The following NSG1 variants were observed in gnomAD, a reference collection of about 807,000 sequenced individuals.
The protein encoded by NSG1 is neuronal vesicle trafficking-associated protein 1.
Under a neutral mutation model 19.3 loss-of-function variants are expected in NSG1, and 9 were observed. The ratio of observed to expected loss-of-function variants is 0.47; its 90% CI spans 0.28 to 0.81. The LOEUF (loss-of-function observed/expected upper bound fraction) is 0.81. Ranked by LOEUF, NSG1 falls within the 40% of genes least tolerant of loss-of-function variation. NSG1 has a pLI of 0.11. For missense variants in NSG1, 236 were observed against 242.4 expected (o/e 0.97, Z 0.18); for synonymous variants, 104 against 107.0 (o/e 0.97, Z 0.17).
chr4:4,402,421 T>A (rs1481249607), intron 3 of NSG1, among the ~76,000 whole-genome samples: 14 of 116,866 alleles, frequency 1.2e-4, no homozygotes, highest in Admixed American at 7.7e-4. Flanking sequence ...GGAGTCTTGC[T>A]CTGTCGCCCA....
rs10002237 is a variant in NSG1, at chr4:4,417,884, C to T, written c.*449C>T. 23,971 of 247,072 alleles carry T rather than the reference C, an allele frequency of 0.097. 1,339 individuals are homozygous for T. The highest frequency in any genetic ancestry group is 0.12 in the African/African-American group (5,264 of 43,066). 15.3% of individuals were successfully genotyped at this position (247,072 alleles called of 1,614,324 possible). Reference sequence around the variant, plus strand: ...TACTTCGCATTTCTTCCTCGGCCATCAGCGGGTAACAGTGCTGACTGCTGC... The same window carrying T: ...TACTTCGCATTTCTTCCTCGGCCATTAGCGGGTAACAGTGCTGACTGCTGC... On this transcript the variant is annotated 3_prime_UTR_variant, in exon 5 of 5. Transcript: ENST00000621129.
chr4:4,401,906 G>A (rs1188284139), intron 3 of NSG1, among the ~76,000 whole-genome samples: 3 of 151,896 alleles, frequency 2.0e-5, no homozygotes, highest in Non-Finnish European at 2.9e-5. Flanking sequence ...TTTGAGACAG[G>A]GCCTCGCTTT....
intron 4 of NSG1, among the ~76,000 whole-genome samples, chr4:4,410,253 C>T (rs1332781702): frequency 1.3e-5 from 2 of 152,186 alleles, no homozygotes; most frequent in African/African-American, 4.8e-5. Flanking sequence ...GAAATGCTCG[C>T]TTTGCATATA....
intron 3 of NSG1, among the ~76,000 whole-genome samples, chr4:4,393,097 C>A (rs13111502): frequency 0.34 from 52,355 of 151,944 alleles, 9,659 homozygotes; most frequent in East Asian, 0.45. Context: ...GCAGGAGTGG[C>A]CTTGATTTCA....
Position 4,418,179 on chromosome 4 carries a change from C to G in NSG1, c.*744C>G, listed in dbSNP as rs769345604. Reference sequence around the variant, plus strand: ...GGCTGGGAAGAGACGGCCCTGGGCCCGTGAGGTGCAGAACTCTCCCTGCAG... The same window carrying G: ...GGCTGGGAAGAGACGGCCCTGGGCCGGTGAGGTGCAGAACTCTCCCTGCAG... On this transcript the variant is annotated 3_prime_UTR_variant, in exon 5 of 5. Coordinates refer to ENST00000621129, the MANE Select transcript of NSG1 (RefSeq NM_014392.5). 1 of 152,606 alleles carries G rather than the reference C, an allele frequency of 6.6e-6. No homozygotes were observed. The highest frequency in any genetic ancestry group is 1.5e-5 in the Non-Finnish European group (1 of 68,410). The allele number at this position is 152,606 out of a possible 1,614,324, so 9.5% of individuals were successfully genotyped here. A position where few individuals can be genotyped will look rare whatever the true frequency, so the allele number is the denominator to read the frequency against.
chr4:4,409,489 G>T lies in NSG1; in HGVS notation c.247-84G>T, dbSNP rs73199809. 2,423 of 904,146 alleles carry T rather than the reference G, an allele frequency of 2.7e-3. 36 individuals carry two copies. The East Asian group carries it at 0.033, about 12-fold the overall frequency. 56.0% of individuals were successfully genotyped at this position (904,146 alleles called of 1,614,324 possible). A position where few individuals can be genotyped will look rare whatever the true frequency, so the allele number is the denominator to read the frequency against. On this transcript the variant is annotated intron_variant, in intron 3 of 4. Transcript: ENST00000621129. ...GAGATAGTCTCTGCACATGCTGTGTGGGGGGGGGCCTTCGTGTGCGGGTGT... is the reference window on the plus strand; with the variant it reads ...GAGATAGTCTCTGCACATGCTGTGTTGGGGGGGGCCTTCGTGTGCGGGTGT...
upstream of NSG1, chr4:4,386,665 C>CG (rs1377172582): frequency 2.6e-5 from 4 of 152,542 alleles, no homozygotes; most frequent in African/African-American, 7.3e-5. Flanking sequence ...GCGCTGCGGG[C>CG]GGGGACCCTC....
chr4:4,394,131 G>A (rs937441366), intron 3 of NSG1, among the ~76,000 whole-genome samples: 13 of 152,228 alleles, frequency 8.5e-5, no homozygotes, highest in African/African-American at 3.1e-4. Flanking sequence ...AGCCTTGGCA[G>A]CCTGCTCTTG....
At chr4:4,392,336 T>C (rs1723037947) in intron 3 of NSG1, among the ~76,000 whole-genome samples, 1 of 151,306 alleles carries the variant, frequency 6.6e-6, no homozygotes, top group South Asian at 2.1e-4. Context: ...AGAGAGAGAG[T>C]AAAGCGGTAG....
At chr4:4,394,545 C>A (rs773261313) in intron 3 of NSG1, among the ~76,000 whole-genome samples, 1 of 152,112 alleles carries the variant, frequency 6.6e-6, no homozygotes, top group Non-Finnish European at 1.5e-5. Context: ...TAGGCCCCCT[C>A]GACCTGAACT....
In NSG1 at chr4:4,416,914, T is replaced by G. The variant is rs140437965; in HGVS notation, c.358-321T>G. ...TGTTTTGGGATATTTCATAAGTTGTTGTTTTCCAATTGATTAAAAATGACA... is the reference window on the plus strand; with the variant it reads ...TGTTTTGGGATATTTCATAAGTTGTGGTTTTCCAATTGATTAAAAATGACA... On this transcript the variant is annotated intron_variant, in intron 4 of 4. Transcript: ENST00000621129. Among the ~76,000 whole-genome samples, 310 of 152,322 alleles carry G rather than the reference T, an allele frequency of 2.0e-3. 4 individuals carry two copies. Among genetic ancestry groups the G allele is most frequent in the Admixed American group, 9.9e-3 (152 of 15,298 alleles).
In NSG1 at chr4:4,391,481, G is replaced by A. The variant is rs149457560; in HGVS notation, c.136G>A (p.Val46Met). 1.7e-4 allele frequency: 275 copies of A among 1,606,204 alleles called. No homozygotes were observed. The highest frequency in any genetic ancestry group is 2.3e-4 in the Non-Finnish European group (265 of 1,176,150). Reference protein sequence around the residue: ...LQFPPPDKVVVKTKTEYEPDR... With the variant: ...LQFPPPDKVVMKTKTEYEPDR... ...TCTCTGTTTCCTGGATAAGGTGGTC[G>A]TGAAAACTAAGACCGAGTATGAACC... The change falls in exon 3 of 5, where the codon GTG becomes ATG. Residue 46 changes from valine to methionine, a missense_variant. Physicochemically the swap from Val to Met is conservative, Grantham distance 21. Coordinates refer to ENST00000621129, the MANE Select transcript of NSG1 (RefSeq NM_014392.5).
chr4:4,414,645 CT>C (rs1197747252), intron 4 of NSG1, among the ~76,000 whole-genome samples: 1 of 152,186 alleles, frequency 6.6e-6, no homozygotes, highest in Non-Finnish European at 1.5e-5. Flanking sequence ...TCCAGAAGCC[CT>C]TTGAGGTGGA....
chr4:4,392,110 G>A (rs1056521583), intron 3 of NSG1, among the ~76,000 whole-genome samples: 2 of 152,064 alleles, frequency 1.3e-5, no homozygotes, highest in African/African-American at 4.8e-5. Flanking sequence ...GCAGAGCCAG[G>A]ATCTGATCTG....
At chr4:4,406,430 G>C (rs1406730896) in intron 3 of NSG1, among the ~76,000 whole-genome samples, 1 of 152,180 alleles carries the variant, frequency 6.6e-6, no homozygotes, top group African/African-American at 2.4e-5. Flanking sequence ...GGTTACGAAG[G>C]AGGCCAGTTA....
At chr4:4,398,909 C>G (rs1190944762) in intron 3 of NSG1, among the ~76,000 whole-genome samples, 1 of 152,188 alleles carries the variant, frequency 6.6e-6, no homozygotes, top group East Asian at 1.9e-4. Flanking sequence ...ATTAGCAATG[C>G]ACAATGGTTT....
chr4:4,415,798 C>T lies in NSG1; in HGVS notation c.358-1437C>T, dbSNP rs1315920812. ...CCGAGGTGGGAGGGAAGAGGGGAACCCTTGGTCCGTTTCCCTGAGGGATGA... is the reference window on the plus strand; with the variant it reads ...CCGAGGTGGGAGGGAAGAGGGGAACTCTTGGTCCGTTTCCCTGAGGGATGA... On this transcript the variant is annotated intron_variant, in intron 4 of 4. Coordinates refer to ENST00000621129, the MANE Select transcript of NSG1 (RefSeq NM_014392.5). 8 of 342,758 alleles carry T rather than the reference C, an allele frequency of 2.3e-5. No individual in the cohort carries two copies. The Admixed American group carries it at 2.6e-4, about 11-fold the overall frequency. The allele number at this position is 342,758 out of a possible 1,614,324, so 21.2% of individuals were successfully genotyped here.
chr4:4,387,214 C>A (rs1487939849), intron 1 of NSG1, 41 bp downstream of exon 1: 6 of 162,760 alleles, frequency 3.7e-5, no homozygotes, highest in Admixed American at 6.4e-5. Flanking sequence ...CGAGGCCAGA[C>A]CTTGCCCGCC....
intron 4 of NSG1, among the ~76,000 whole-genome samples, chr4:4,416,465 T>C (rs1724547510): frequency 6.6e-6 from 1 of 152,180 alleles, no homozygotes; most frequent in Non-Finnish European, 1.5e-5. Flanking sequence ...CTGATCCCTG[T>C]ACACCTGCCT....
Sources: allele counts gnomAD v4.1 joint callset (sites outside exome capture counted in the v4.1 genomes callset), GRCh38; gene constraint gnomAD v4.1.1; transcripts MANE v1.5; gene names NCBI Gene and HGNC (gene_info 2026-07-23, HGNC 2026-07-21).